ADAMTS18: variants seen among roughly 807,000 people sequenced by gnomAD.
ADAMTS18 encodes ADAM metallopeptidase with thrombospondin type 1 motif 18.
Under a neutral mutation model 165.9 loss-of-function variants are expected in ADAMTS18, and 157 were observed. The ratio of observed to expected loss-of-function variants is 0.95; its 90% CI spans 0.83 to 1.08. ADAMTS18 has a LOEUF of 1.08. ADAMTS18 is among the 50% of genes least tolerant of loss of function. The pLI, the probability that ADAMTS18 is intolerant of heterozygous loss-of-function variation, is 0.00. For missense variants in ADAMTS18, 2,040 were observed against 1,534.0 expected, an observed-to-expected ratio of 1.33 and a Z score of -5.51; for synonymous variants, 782 against 578.2, an observed-to-expected ratio of 1.35 and a Z score of -5.06.
chr16:77,369,378 T>C (rs997706494), intron 3 of ADAMTS18, among the ~76,000 whole-genome samples: 3 of 152,356 alleles, frequency 2.0e-5, no homozygotes, highest in Middle Eastern at 3.4e-3. Context: ...CTTTAATTAA[T>C]TTTGGGTTTA....
intron 10 of ADAMTS18, 131 bp from the exon 11 acceptor site, chr16:77,341,930 C>A: frequency 2.7e-6 from 2 of 742,956 alleles, no homozygotes; most frequent in Non-Finnish European, 4.5e-6. Context: ...AAGTAGAGGC[C>A]AGTGAAGTTG....
intron 4 of ADAMTS18, among the ~76,000 whole-genome samples, chr16:77,366,532 C>T (rs1385531252): frequency 6.6e-6 from 1 of 152,104 alleles, no homozygotes; most frequent in Non-Finnish European, 1.5e-5. Context: ...TCACTCCAGC[C>T]TGGGCGAAAG....
chr16:77,291,753 A>G (rs2055368818), intron 20 of ADAMTS18, among the ~76,000 whole-genome samples: 1 of 152,218 alleles, frequency 6.6e-6, no homozygotes. Flanking sequence ...GGGATGCCAC[A>G]TGGGTGTGAG....
intron 13 of ADAMTS18, among the ~76,000 whole-genome samples, chr16:77,323,108 A>G (rs1387278474): frequency 2.0e-5 from 3 of 152,152 alleles, no homozygotes; most frequent in African/African-American, 7.2e-5. Flanking sequence ...GATGTTTCTG[A>G]TATCAAAGGC....
At chr16:77,379,995 T>C (rs2057009265) in intron 3 of ADAMTS18, among the ~76,000 whole-genome samples, 1 of 152,200 alleles carries the variant, frequency 6.6e-6, no homozygotes, top group South Asian at 2.1e-4. Context: ...TCTGTGACTT[T>C]CTGAGTCATG....
chr16:77,407,013 G>C (rs2057401352), intron 3 of ADAMTS18, among the ~76,000 whole-genome samples: 1 of 152,002 alleles, frequency 6.6e-6, no homozygotes, highest in East Asian at 1.9e-4. Context: ...TGGGTGACAG[G>C]ATTATTCATA....
At chr16:77,304,807 G>A (rs937336977) in intron 16 of ADAMTS18, among the ~76,000 whole-genome samples, 5 of 152,264 alleles carry the variant, frequency 3.3e-5, no homozygotes, top group South Asian at 2.1e-4. Flanking sequence ...GTATGCCTGT[G>A]TATGTGTGTT....
intron 3 of ADAMTS18, among the ~76,000 whole-genome samples, chr16:77,415,959 A>G (rs1385546282): frequency 2.0e-5 from 3 of 152,194 alleles, no homozygotes; most frequent in Non-Finnish European, 4.4e-5. Context: ...GCCACTGGAA[A>G]TACAGCAGTG....
intron 16 of ADAMTS18, among the ~76,000 whole-genome samples, chr16:77,316,651 T>C (rs1465341818): frequency 1.3e-5 from 2 of 152,146 alleles, no homozygotes; most frequent in African/African-American, 4.8e-5. Context: ...TATAAAATAT[T>C]AAGTTGATTC....
intron 11 of ADAMTS18, among the ~76,000 whole-genome samples, chr16:77,338,939 G>A (rs1435932070): frequency 5.9e-5 from 8 of 134,946 alleles, no homozygotes; most frequent in Admixed American, 1.6e-4. Context: ...GGGCGACAGA[G>A]CAAGACTCCA....
At chr16:77,294,897 G>GT in intron 19 of ADAMTS18, 26 bp downstream of exon 19, 2 of 1,611,842 alleles carry the variant, frequency 1.2e-6, no homozygotes, top group Non-Finnish European at 1.7e-6. Flanking sequence ...ACCGAGAATA[G>GT]TAACTCCCAA....
chr16:77,369,501 A>G (rs1437016199), intron 3 of ADAMTS18, among the ~76,000 whole-genome samples: 1 of 152,198 alleles, frequency 6.6e-6, no homozygotes, highest in African/African-American at 2.4e-5. Flanking sequence ...CTAAGAAAGA[A>G]CAGAGAAATC....
chr16:77,285,393 G>A (rs142533584), intron 22 of ADAMTS18, among the ~76,000 whole-genome samples: 300 of 152,176 alleles, frequency 2.0e-3, no homozygotes, highest in Non-Finnish European at 2.4e-3. Flanking sequence ...CGCTGGTCTC[G>A]AACTCCTGAC....
chr16:77,348,778 A>G (rs1004923689), intron 10 of ADAMTS18, among the ~76,000 whole-genome samples: 8 of 152,212 alleles, frequency 5.3e-5, no homozygotes, highest in Admixed American at 4.6e-4. Flanking sequence ...CAAGTTTATA[A>G]AAGGGACACA....
Position 77,364,265 on chromosome 16 carries a change from C to G in ADAMTS18, c.895G>C (p.Val299Leu), listed in dbSNP as rs202167064. 1 of 1,614,004 alleles carries G rather than the reference C, an allele frequency of 6.2e-7. No individual in the cohort carries two copies. Among genetic ancestry groups the G allele is most frequent in the South Asian group, 1.1e-5 (1 of 91,068 alleles). The change falls in exon 5 of 23, where the codon GTG (valine) becomes CTG (leucine). Residue 299 changes from valine (V) to leucine (L), a missense_variant. Physicochemically the swap from Val to Leu is conservative, Grantham distance 32 (BLOSUM62 1). Transcript: ENST00000282849. ...TCCACCATTTTCTTGTCTGCCACCA[C>G]GAGGGTTTCCACATTGAGGCCCTTT... ...SQKGLNVETL[V>L]VADKKMVEKH...
intron 15 of ADAMTS18, 88 bp downstream of exon 15, chr16:77,320,991 A>G: frequency 6.5e-7 from 1 of 1,540,942 alleles, no homozygotes; most frequent in South Asian, 1.1e-5. Flanking sequence ...GAACTAGTAA[A>G]AGGCTCAACC....
rs149455265 is a variant in ADAMTS18 at position 77,295,684 on chromosome 16, A to AT, written c.2802-558dup. ...ATTTAGAGAAGGTCTCACAGAGGAT[A>AT]TTTTTAAGTGGGTACTTCCCCAAAT... On this transcript the variant is annotated intron_variant, in intron 18 of 22. Transcript: ENST00000282849. 1.2e-4 allele frequency among the ~76,000 whole-genome samples: 19 copies of AT among 152,264 alleles called. No individual in the cohort carries two copies. The East Asian group carries it at 3.1e-3, about 25-fold the overall frequency.
At chr16:77,365,955 T>TCAAA (rs1332521640) in intron 4 of ADAMTS18, among the ~76,000 whole-genome samples, 1 of 152,208 alleles carries the variant, frequency 6.6e-6, no homozygotes, top group East Asian at 1.9e-4. Context: ...ATGTCTCATA[T>TCAAA]CAAACATGTC....
At chr16:77,379,927 T>A (rs996727359) in intron 3 of ADAMTS18, among the ~76,000 whole-genome samples, 8 of 152,320 alleles carry the variant, frequency 5.3e-5, no homozygotes, top group Non-Finnish European at 1.2e-4. Context: ...GCAAAGTTGA[T>A]TTGTCCAAGT....
Sources: gnomAD v4.1 joint callset for allele counts (sites outside exome capture counted in the v4.1 genomes callset) on GRCh38, gnomAD v4.1.1 for gene constraint, MANE v1.5 for transcripts, NCBI Gene and HGNC (gene_info 2026-07-23, HGNC 2026-07-21) for gene names.